CCDC78: variants seen among roughly 807,000 people sequenced by gnomAD.
CCDC78 encodes the protein coiled-coil domain-containing protein 78.
Under a neutral mutation model 61.9 loss-of-function variants are expected in CCDC78, and 78 were observed. That is an observed-to-expected ratio of 1.26 (90% CI 1.05 to 1.52). The LOEUF is 1.52. Among genes scored for constraint, CCDC78 ranks in the 40% most tolerant of loss-of-function variants. The pLI, the probability that CCDC78 is intolerant of heterozygous loss-of-function variation, is 0.00. For synonymous variants in CCDC78, 287 were observed against 251.9 expected (o/e 1.14, Z -1.32); for missense variants, 737 against 615.5 (o/e 1.20, Z -2.09).
chr16:726,725 G>T (rs1013358280), upstream of CCDC78: 5 of 419,696 alleles, frequency 1.2e-5, no homozygotes, highest in Non-Finnish European at 2.2e-5. Context: ...ACACTCGCTG[G>T]ACACCTTCTG....
rs747763912 is a variant in CCDC78, at chr16:724,504, G to A, written c.771C>T (p.His257=). ...LQHCAWQAVE[H]ADGAGQAPAT... is the part of the protein sequence containing the mutation. ...CTGGCGCTTGGCCTGCACCATCTGCGTGCTCCTGGAGGCGGCGGGCTGGGT... is the reference window on the plus strand; with the variant it reads ...CTGGCGCTTGGCCTGCACCATCTGCATGCTCCTGGAGGCGGCGGGCTGGGT... Residue 257 remains histidine (H), a synonymous_variant, in exon 9 of 14, where the codon CAC becomes CAT. Coordinates refer to ENST00000345165, the MANE Select transcript of CCDC78 (RefSeq NM_001378030.1). 6.3e-6 allele frequency: 10 copies of A among 1,597,948 alleles called. No individual in the cohort carries two copies. Among genetic ancestry groups the A allele is most frequent in the South Asian group, 2.2e-5 (2 of 90,934 alleles).
chr16:724,395 G>C lies in CCDC78; in HGVS notation c.880C>G (p.Arg294Gly). 6.2e-7 allele frequency: 1 copy of C among 1,611,528 alleles called. No individual in the cohort carries two copies. The highest frequency in any genetic ancestry group is 8.5e-7 in the Non-Finnish European group (1 of 1,179,950). Reference protein sequence around the residue: ...AHRSREQQLARAARSYHKRLV... With the variant: ...AHRSREQQLAGAARSYHKRLV... ...CTCTTGTGGTAGCTGCGGGCAGCCC[G>C]GGCCAGCTGCTGCTCACGGCTGCGG... Residue 294 changes from arginine (R) to glycine (G), a missense_variant, in exon 9 of 14, where the codon CGG becomes GGG. By Grantham distance (125) the Arg-to-Gly change is moderately radical. Coordinates refer to ENST00000345165, the MANE Select transcript of CCDC78 (RefSeq NM_001378030.1).
chr16:725,871 C>T lies in CCDC78; in HGVS notation c.190G>A (p.Glu64Lys), dbSNP rs977926257. Residue 64 changes from glutamate (E) to lysine (K), a missense_variant, in exon 3 of 14, where the codon GAG (glutamate) becomes AAG (lysine). Coordinates refer to ENST00000345165, the MANE Select transcript of CCDC78 (RefSeq NM_001378030.1). ...GTTGTGATCTGAATGTCGACCAGCT[C>T]CTTGGAGATCTGTGGGTGGCCAGGT... ...NKEQQLQISK[E>K]LVDIQITTHH... The T allele has an allele frequency of 1.9e-6, 3 of 1,610,352 alleles. No individual in the cohort carries two copies. Among genetic ancestry groups the T allele is most frequent in the Non-Finnish European group, 1.7e-6 (2 of 1,178,400 alleles).
rs1016842374 is a variant in CCDC78, at chr16:723,508, G to A, written c.1134-347C>T. 6.4e-5 allele frequency: 43 copies of A among 673,398 alleles called. No individual in the cohort carries two copies. The Admixed American group carries it at 8.8e-4, about 14-fold the overall frequency. 41.7% of individuals were successfully genotyped at this position (673,398 alleles called of 1,614,324 possible). On this transcript the variant is annotated intron_variant, in intron 11 of 13. Transcript: ENST00000345165. ...GGGGAGCCCTGCCCATTGTACAGCTGGGAACATGGAGGCCCAGAGGCAAGG... is the reference window on the plus strand; with the variant it reads ...GGGGAGCCCTGCCCATTGTACAGCTAGGAACATGGAGGCCCAGAGGCAAGG...
rs1474333237 is a variant in CCDC78 at position 724,770 on chromosome 16, C to T, written c.676G>A (p.Glu226Lys). 2 of 1,612,142 alleles carry T rather than the reference C, an allele frequency of 1.2e-6. No homozygotes were observed. The highest frequency in any genetic ancestry group is 2.2e-5 in the East Asian group (1 of 44,872). The change falls in exon 8 of 14, where the codon GAG becomes AAG. Residue 226 changes from glutamate (E) to lysine (K), a missense_variant. Glu to Lys is a moderately conservative substitution (Grantham distance 56). Coordinates refer to ENST00000345165, the MANE Select transcript of CCDC78 (RefSeq NM_001378030.1). Reference sequence around the variant, plus strand: ...AGCTGCAGCCGGGCATTTTCAGCCTCTGCCTGACGGAGCTGGCCTTGGCAG... The same window carrying T: ...AGCTGCAGCCGGGCATTTTCAGCCTTTGCCTGACGGAGCTGGCCTTGGCAG... ...CSCQGQLRQA[E>K]AENARLQLQL...
intron 11 of CCDC78, 133 bp from the exon 12 acceptor site, chr16:723,294 C>T (rs747803994): frequency 5.2e-6 from 5 of 969,008 alleles, no homozygotes; most frequent in Non-Finnish European, 6.3e-6. Flanking sequence ...GGCATGGGCC[C>T]CCCCCGTGCT....
chr16:724,833 T>A, intron 7 of CCDC78, 27 bp from the exon 8 acceptor site: 1 of 1,611,068 alleles, frequency 6.2e-7, no homozygotes, highest in East Asian at 2.2e-5. Flanking sequence ...CCTCCACCTG[T>A]GCCCTGAGAG....
At chr16:723,069 G>T (rs1402762842) in intron 12 of CCDC78, 26 bp downstream of exon 12, 9 of 1,612,568 alleles carry the variant, frequency 5.6e-6, no homozygotes, top group Middle Eastern at 3.3e-4. Flanking sequence ...CGTGAGGATG[G>T]GCCTGGGCCA....
In CCDC78 at chr16:722,786, G is replaced by T; in HGVS notation, c.1305C>A (p.Tyr435Ter). The change falls in exon 14 of 14, where the codon TAC (tyrosine) becomes TAA (stop). Residue 435 changes from tyrosine (Y) to a stop codon, truncating the protein, a stop_gained. Coordinates refer to ENST00000345165, the MANE Select transcript of CCDC78 (RefSeq NM_001378030.1). LOFTEE classifies it low-confidence loss of function (END_TRUNC). ...TCCTCAGCCTCAGGATTTCGTGCTTGTACCTGCTCAGAGGAACCATGCTTA... is the reference window on the plus strand; with the variant it reads ...TCCTCAGCCTCAGGATTTCGTGCTTTTACCTGCTCAGAGGAACCATGCTTA... ...QEYVDQHLGR[Y>*]KHEILRLRKL... The T allele has an allele frequency of 1.2e-6, 2 of 1,612,622 alleles. No homozygotes were observed. Among genetic ancestry groups the T allele is most frequent in the South Asian group, 1.1e-5 (1 of 91,088 alleles).
chr16:722,885 C>A (rs766184705), intron 13 of CCDC78, 37 bp downstream of exon 13: 3 of 1,610,480 alleles, frequency 1.9e-6, no homozygotes, highest in Non-Finnish European at 2.5e-6. Context: ...CCAACCAGAC[C>A]AGGGCCCTGG....
Position 725,977 on chromosome 16 carries a change from G to T in CCDC78, c.169C>A (p.Gln57Lys), listed in dbSNP as rs1180264424. 2.6e-6 allele frequency: 4 copies of T among 1,553,816 alleles called. No individual in the cohort carries two copies. Among genetic ancestry groups the T allele is most frequent in the Admixed American group, 3.9e-5 (2 of 51,482 alleles). Residue 57 changes from glutamine (Q) to lysine (K), a missense_variant, in exon 2 of 14, where the codon CAG becomes AAG. Coordinates refer to ENST00000345165, the MANE Select transcript of CCDC78 (RefSeq NM_001378030.1). ...GGCCCCACACCCACCTGCAGCTGCT[G>T]CTCCTTATTGAGCGCTAGATCTGGT... ...VPPDLALNKE[Q>K]QLQISKELVD...
rs2151579428 is a variant in CCDC78 at position 726,354 on chromosome 16, G to A, written c.14C>T (p.Ala5Val). Reference sequence around the variant, plus strand: ...AGGTCCAGGCCTGGGGCCTGTGGTGGCTGCGTGCTCCATAGGCTAGGGAAC... The same window carrying A: ...AGGTCCAGGCCTGGGGCCTGTGGTGACTGCGTGCTCCATAGGCTAGGGAAC... MEHA[A>V]TTGPRPGPPS... is the part of the protein sequence containing the mutation. The change falls in exon 1 of 14, where the codon GCC becomes GTC. Residue 5 changes from alanine (A) to valine (V), a missense_variant. Coordinates refer to ENST00000345165, the MANE Select transcript of CCDC78 (RefSeq NM_001378030.1). The A allele has an allele frequency of 1.3e-6, 2 of 1,541,708 alleles. No homozygotes were observed. Among genetic ancestry groups the A allele is most frequent in the East Asian group, 2.4e-5 (1 of 40,882 alleles).
intron 3 of CCDC78, 70 bp from the exon 4 acceptor site, chr16:725,650 G>C: frequency 6.3e-7 from 1 of 1,584,846 alleles, no homozygotes; most frequent in Non-Finnish European, 8.6e-7. Context: ...CATTCACCCG[G>C]TGCACGCTCA....
At position 722,945 on chromosome 16, in the gene CCDC78, C is replaced by T. The variant is rs773837439; in HGVS notation, c.1278G>A (p.Glu426=). Residue 426 remains glutamate (E), a synonymous_variant, in exon 13 of 14, where the codon GAG becomes GAA. Coordinates refer to ENST00000345165, the MANE Select transcript of CCDC78 (RefSeq NM_001378030.1). ...MAEEQLSELQ[E]YVDQHLGRYK... ...ACCTGCCCAGGTGCTGGTCCACGTA[C>T]TCCTGTAGCTCAGAAAGTTGCTCTT... The T allele has an allele frequency of 6.2e-6, 10 of 1,612,242 alleles. No individual in the cohort carries two copies. Among genetic ancestry groups the T allele is most frequent in the Admixed American group, 1.7e-5 (1 of 60,002 alleles).
intron 3 of CCDC78, 31 bp downstream of exon 3, chr16:725,763 T>G (rs896596472): frequency 1.3e-6 from 2 of 1,589,234 alleles, no homozygotes; most frequent in Non-Finnish European, 1.7e-6. Context: ...CCGTCCCCCA[T>G]GCACTGAGGC....
rs376047604 is a variant in CCDC78 at position 724,348 on chromosome 16, C to G, written c.927G>C (p.Arg309Ser). Residue 309 changes from arginine to serine, a missense_variant, in exon 9 of 14, where the codon AGG (arginine) becomes AGC (serine). Physicochemically the swap from Arg to Ser is moderately radical, Grantham distance 110. Coordinates refer to ENST00000345165, the MANE Select transcript of CCDC78 (RefSeq NM_001378030.1). ...TGTAGGCAACCAGTAGCTCTTCATG[C>G]CTGCGGCTCAGATCCACCAGCCTCT... The part of the protein sequence containing the change: ...YHKRLVDLSR[R>S]HEELLVAYRA... 6.2e-7 allele frequency: 1 copy of G among 1,612,250 alleles called. No homozygotes were observed. Among genetic ancestry groups the G allele is most frequent in the South Asian group, 1.1e-5 (1 of 91,038 alleles).
At chr16:723,488 G>T (rs1280781653) in intron 11 of CCDC78, 5 of 678,096 alleles carry the variant, frequency 7.4e-6, no homozygotes, top group Non-Finnish European at 1.1e-5. Flanking sequence ...TCCTTGGGGA[G>T]CCCTGCCCAT....
rs757981168 is a variant in CCDC78, at chr16:725,305, G to C, written c.436-12C>G. ...TTCTTGGGCTGCACCTGAATGGAAG[G>C]GAGGGCAGGGAAAGCTAAGGGGTGG... On this transcript the variant is annotated splice_polypyrimidine_tract_variant and intron_variant, in intron 4 of 13. Coordinates refer to ENST00000345165, the MANE Select transcript of CCDC78 (RefSeq NM_001378030.1). 3.1e-6 allele frequency: 5 copies of C among 1,608,796 alleles called. No homozygotes were observed. The South Asian group carries it at 4.4e-5, about 14-fold the overall frequency.
chr16:724,543 AC>A, intron 8 of CCDC78, 34 bp from the exon 9 acceptor site: 1 of 1,521,932 alleles, frequency 6.6e-7, no homozygotes, highest in Non-Finnish European at 8.9e-7. Flanking sequence ...CATGGGGCCC[AC>A]CCCCCATCTT....
Sources: allele counts gnomAD v4.1 joint callset, GRCh38; gene constraint gnomAD v4.1.1; transcripts MANE v1.5; gene names NCBI Gene and HGNC (gene_info 2026-07-23, HGNC 2026-07-21).